RBM26: variants seen among roughly 807,000 people sequenced by gnomAD.
The protein encoded by RBM26 is RNA binding motif protein 26, also known as RNA-binding protein 26.
Under a neutral mutation model 123.6 loss-of-function variants are expected in RBM26, and 30 were observed. The observed-to-expected ratio is 0.24, with a 90% CI of 0.18 to 0.33. The LOEUF is 0.33. RBM26 is among the 10% of genes least tolerant of loss of function. The pLI, the probability that RBM26 is intolerant of heterozygous loss-of-function variation, is 1.00. For missense variants in RBM26, 947 were observed against 1,203.6 expected (o/e 0.79, Z 3.15); for synonymous variants, 400 against 404.4 (o/e 0.99, Z 0.13).
At position 79,318,875 on chromosome 13, in the gene RBM26, G is replaced by A. The variant is rs1005805014; in HGVS notation, c.*1746C>T. 131 of 978,358 alleles carry A rather than the reference G, an allele frequency of 1.3e-4. No homozygotes were observed. The highest frequency in any genetic ancestry group is 1.6e-4 in the Non-Finnish European group (131 of 823,926). The allele number at this position is 978,358 out of a possible 1,614,324, so 60.6% of individuals were successfully genotyped here. A position where few individuals can be genotyped will look rare whatever the true frequency, so the allele number is the denominator to read the frequency against. On this transcript the variant is annotated 3_prime_UTR_variant, in exon 22 of 22. Transcript: ENST00000438737. The stretch of plus-strand genomic sequence containing the variant: ...CCTCTGCCAATTTGGCACCTTTCAC[G>A]ACTACTAAAAAGAAAAGAAAACAAA...
intron 7 of RBM26, 67 bp from the exon 8 acceptor site, chr13:79,366,262 C>T (rs527580444): frequency 8.8e-6 from 13 of 1,479,394 alleles, no homozygotes; most frequent in African/African-American, 4.2e-5. Context: ...ATTGCACATC[C>T]GAACATAATC....
intron 14 of RBM26, 41 bp downstream of exon 14, chr13:79,353,111 AT>A: frequency 7.9e-7 from 1 of 1,265,838 alleles, no homozygotes; most frequent in Non-Finnish European, 1.1e-6. Flanking sequence ...ACCTGAAAAC[AT>A]TTATGAAGCC....
chr13:79,313,180 G>T (rs1050959363), exon 5 of RBM26: 1 of 151,782 alleles, frequency 6.6e-6, no homozygotes, highest in East Asian at 1.9e-4. Flanking sequence ...ATAGCTCCAT[G>T]AGAATCCTAT....
At chr13:79,317,545 T>C (rs576031665), downstream of RBM26, among the ~76,000 whole-genome samples, 1 of 151,782 alleles carries the variant, frequency 6.6e-6, no homozygotes, top group African/African-American at 2.4e-5. Context: ...CTAAACTAGA[T>C]CACCTTTGGA....
chr13:79,405,626 TG>T, intron 1 of RBM26, 77 bp downstream of exon 1: 1 of 1,017,912 alleles, frequency 9.8e-7, no homozygotes. Context: ...CGCAGGCACT[TG>T]GGGAAACTGC....
intron 18 of RBM26, among the ~76,000 whole-genome samples, chr13:79,340,854 A>C (rs2071259875): frequency 6.6e-6 from 1 of 151,906 alleles, no homozygotes. Flanking sequence ...ACAGACCAAA[A>C]ATAGAAAGAA....
At chr13:79,339,216 C>T (rs9545078) in intron 18 of RBM26, among the ~76,000 whole-genome samples, 44,735 of 151,988 alleles carry the variant, frequency 0.29, 8,084 homozygotes, top group Non-Finnish European at 0.41. Flanking sequence ...AACAATCAAA[C>T]TCATAGAAGC....
rs913489380 is a variant in RBM26, at chr13:79,368,865, T to C, written c.760A>G (p.Thr254Ala). ...TGAGTAGGAGCAATTACTGTAATAGTGCTGCTCAAAGTAGGTACAGGGTAG... is the reference window on the plus strand; with the variant it reads ...TGAGTAGGAGCAATTACTGTAATAGCGCTGCTCAAAGTAGGTACAGGGTAG... Reference protein sequence around the residue: ...GHYPVPTLSSTITVIAPTHHG... With the variant: ...GHYPVPTLSSAITVIAPTHHG... The change falls in exon 6 of 22, where the codon ACT (threonine) becomes GCT (alanine). Residue 254 changes from threonine (T) to alanine (A), a missense_variant. Physicochemically the swap from Thr to Ala is moderately conservative, Grantham distance 58. Transcript: ENST00000438737. 1.3e-5 allele frequency: 21 copies of C among 1,613,916 alleles called. No individual in the cohort carries two copies. Among genetic ancestry groups the C allele is most frequent in the Non-Finnish European group, 1.7e-5 (20 of 1,179,870 alleles).
intron 3 of RBM26, among the ~76,000 whole-genome samples, chr13:79,376,039 G>C (rs1262061076): frequency 2.0e-5 from 3 of 151,634 alleles, no homozygotes; most frequent in Non-Finnish European, 4.4e-5. Flanking sequence ...CCATTTCGCA[G>C]CTGAGTAAAA....
At chr13:79,404,903 G>A (rs764955195) in intron 1 of RBM26, among the ~76,000 whole-genome samples, 1 of 152,096 alleles carries the variant, frequency 6.6e-6, no homozygotes, top group Non-Finnish European at 1.5e-5. Context: ...TATACAGTAG[G>A]TACCTAATAA....
intron 1 of RBM26, among the ~76,000 whole-genome samples, chr13:79,393,480 C>A (rs1173710750): frequency 6.6e-6 from 1 of 152,148 alleles, no homozygotes; most frequent in Admixed American, 6.5e-5. Context: ...TCTTCTGAGA[C>A]AAGAAGTGAG....
At position 79,350,595 on chromosome 13, in the gene RBM26, T is replaced by A. The variant is rs562564036; in HGVS notation, c.2058+2558A>T. 5.3e-5 allele frequency among the ~76,000 whole-genome samples: 8 copies of A among 152,184 alleles called. No individual in the cohort carries two copies. In the East Asian group the frequency reaches 1.5e-3, roughly 29 times the overall value. On this transcript the variant is annotated intron_variant, in intron 14 of 21. Coordinates refer to ENST00000438737, the MANE Select transcript of RBM26 (RefSeq NM_001366735.2). The stretch of plus-strand genomic sequence containing the variant: ...TCCTCACGAAAATGGGGTCTCAGGA[T>A]AAAGAATAATCACTAAAGGTTTTAC...
chr13:79,312,848 G>A (rs1402674200), exon 5 of RBM26: 1 of 151,834 alleles, frequency 6.6e-6, no homozygotes, highest in Non-Finnish European at 1.5e-5. Flanking sequence ...ACCTAGCAAA[G>A]TCTGAACAAT....
At chr13:79,354,783 A>G (rs1178154700) in intron 12 of RBM26, among the ~76,000 whole-genome samples, 3 of 152,346 alleles carry the variant, frequency 2.0e-5, no homozygotes, top group Middle Eastern at 3.4e-3. Context: ...TTAAAGTCCA[A>G]CTTTCAATAT....
intron 12 of RBM26, 87 bp downstream of exon 12, chr13:79,355,133 T>C: frequency 8.0e-7 from 1 of 1,243,928 alleles, no homozygotes; most frequent in East Asian, 2.3e-5. Flanking sequence ...AACTCAGGCC[T>C]ACTTGATTCC....
intron 1 of RBM26, among the ~76,000 whole-genome samples, chr13:79,402,337 T>C (rs9574419): frequency 0.48 from 73,140 of 151,788 alleles, 18,152 homozygotes; most frequent in East Asian, 0.72. Context: ...TTATTTTCAA[T>C]AATTTATGAA....
chr13:79,401,125 G>C (rs1302307510), intron 1 of RBM26, among the ~76,000 whole-genome samples: 1 of 152,152 alleles, frequency 6.6e-6, no homozygotes, highest in Non-Finnish European at 1.5e-5. Context: ...GGAGTAAAAA[G>C]ATCATTTAGC....
intron 14 of RBM26, among the ~76,000 whole-genome samples, chr13:79,348,627 A>G (rs1412519386): frequency 6.6e-6 from 1 of 152,158 alleles, no homozygotes; most frequent in Non-Finnish European, 1.5e-5. Flanking sequence ...TAATGCAATC[A>G]AAAGACAGTA....
chr13:79,388,376 G>C (rs181224581), intron 1 of RBM26, among the ~76,000 whole-genome samples: 1 of 152,230 alleles, frequency 6.6e-6, no homozygotes, highest in Non-Finnish European at 1.5e-5. Flanking sequence ...GACTATAGGC[G>C]TGAGCCACCT....
Sources: gnomAD v4.1 joint callset for allele counts (sites outside exome capture counted in the v4.1 genomes callset) on GRCh38, gnomAD v4.1.1 for gene constraint, MANE v1.5 for transcripts, NCBI Gene and HGNC (gene_info 2026-07-23, HGNC 2026-07-21) for gene names.